MYO1D: variants seen among roughly 807,000 people sequenced by gnomAD.
MYO1D encodes the protein unconventional myosin-Id.
MYO1D carries 83 observed loss-of-function variants against 122.0 expected under a neutral mutation model. The ratio of observed to expected loss-of-function variants is 0.68; its 90% confidence interval spans 0.57 to 0.82. MYO1D has a LOEUF of 0.82. Ranked by LOEUF, MYO1D falls within the 40% of genes least tolerant of loss-of-function variation. The pLI is 0.00. For missense variants in MYO1D, 1,157 were observed against 1,269.5 expected (o/e 0.91, Z 1.35); for synonymous variants, 464 against 446.9 (o/e 1.04, Z -0.48).
At chr17:32,584,576 G>A (rs2106356) in intron 21 of MYO1D, among the ~76,000 whole-genome samples, 42,723 of 151,122 alleles carry the variant, frequency 0.28, 6,322 homozygotes, top group South Asian at 0.38. Context: ...TTGACCTCCT[G>A]GCCTCAAGTG....
At chr17:32,802,902 G>A (rs868460) in intron 1 of MYO1D, among the ~76,000 whole-genome samples, 318 of 152,242 alleles carry the variant, frequency 2.1e-3, no homozygotes, top group African/African-American at 7.4e-3. Context: ...TAAAAAAGCT[G>A]GAGGTTTCAT....
chr17:32,756,495 A>C (rs1249867117), intron 10 of MYO1D, among the ~76,000 whole-genome samples: 1 of 151,964 alleles, frequency 6.6e-6, no homozygotes, highest in African/African-American at 2.4e-5. Flanking sequence ...ATAATGCCTC[A>C]TCCCAATCAG....
chr17:32,875,036 G>T (rs2091216777), intron 1 of MYO1D, among the ~76,000 whole-genome samples: 1 of 152,174 alleles, frequency 6.6e-6, no homozygotes, highest in African/African-American at 2.4e-5. Flanking sequence ...TGAAAATTCT[G>T]CAAAAGCTCT....
At chr17:32,570,728 A>G (rs1011063321) in intron 21 of MYO1D, among the ~76,000 whole-genome samples, 1 of 152,138 alleles carries the variant, frequency 6.6e-6, no homozygotes, top group Non-Finnish European at 1.5e-5. Context: ...GACTCTTGTA[A>G]AGTTCACAAA....
intron 14 of MYO1D, among the ~76,000 whole-genome samples, chr17:32,736,336 C>T (rs1457484440): frequency 2.0e-5 from 3 of 152,196 alleles, no homozygotes; most frequent in Admixed American, 1.3e-4. Context: ...TCCCAGCTTC[C>T]CTGACAACTC....
chr17:32,668,361 G>A (rs1336809134), intron 16 of MYO1D, among the ~76,000 whole-genome samples: 1 of 152,180 alleles, frequency 6.6e-6, no homozygotes, highest in East Asian at 1.9e-4. Flanking sequence ...GTACAGGTCA[G>A]GCTTTGACCT....
intron 1 of MYO1D, among the ~76,000 whole-genome samples, chr17:32,868,555 C>T (rs1325752849): frequency 1.3e-5 from 2 of 152,070 alleles, no homozygotes; most frequent in African/African-American, 2.4e-5. Flanking sequence ...GAAGAAATGA[C>T]AAGGAAGAGA....
At chr17:32,764,406 A>G (rs566127109) in intron 8 of MYO1D, among the ~76,000 whole-genome samples, 1 of 152,318 alleles carries the variant, frequency 6.6e-6, no homozygotes, top group South Asian at 2.1e-4. Context: ...TCAAATTGCT[A>G]AGAGTGGATT....
chr17:32,563,204 C>CTTTTTTTT (rs749819200), intron 21 of MYO1D, among the ~76,000 whole-genome samples: 30 of 105,134 alleles, frequency 2.9e-4, no homozygotes, highest in African/African-American at 4.2e-4. Flanking sequence ...TTTTTCTTCT[C>CTTTTTTTT]TCTTTTTTTT....
intron 21 of MYO1D, among the ~76,000 whole-genome samples, chr17:32,535,037 A>C (rs1910619951): frequency 6.6e-6 from 1 of 152,208 alleles, no homozygotes. Context: ...TCTAGTGGCC[A>C]GTTGTGAGAA....
In MYO1D at chr17:32,817,533, A is replaced by C. The variant is rs369272320; in HGVS notation, c.96-36749T>G. On this transcript the variant is annotated intron_variant, in intron 1 of 21. Transcript: ENST00000318217. ...CTAAACACAGGAGTTACCATTTTCA[A>C]GGAAAGTAATCCTTCCCAGCTATAA... Among the ~76,000 whole-genome samples the C allele has an allele frequency of 1.3e-4, 20 of 152,348 alleles. No individual in the cohort carries two copies. The East Asian group carries it at 2.5e-3, about 19-fold the overall frequency.
At chr17:32,820,594 A>C (rs1267857154) in intron 1 of MYO1D, among the ~76,000 whole-genome samples, 1 of 152,222 alleles carries the variant, frequency 6.6e-6, no homozygotes, top group African/African-American at 2.4e-5. Flanking sequence ...GGAAAAAGAA[A>C]GAATGGTTGT....
intron 16 of MYO1D, among the ~76,000 whole-genome samples, chr17:32,691,640 C>T (rs2089102556): frequency 2.0e-5 from 3 of 152,230 alleles, no homozygotes; most frequent in Non-Finnish European, 2.9e-5. Context: ...CTCCTGACCT[C>T]AGGTGATCCG....
At chr17:32,731,871 C>G (rs892901559) in intron 14 of MYO1D, among the ~76,000 whole-genome samples, 6 of 152,214 alleles carry the variant, frequency 3.9e-5, no homozygotes, top group African/African-American at 1.4e-4. Context: ...CCAGCCATGG[C>G]TGTAGACCTG....
At chr17:32,584,169 A>G (rs1188056386) in intron 21 of MYO1D, among the ~76,000 whole-genome samples, 3 of 152,114 alleles carry the variant, frequency 2.0e-5, no homozygotes, top group Admixed American at 6.5e-5. Flanking sequence ...ATTTTTTATG[A>G]TATTTTCCCC....
intron 21 of MYO1D, among the ~76,000 whole-genome samples, chr17:32,579,571 T>C (rs1480041351): frequency 1.3e-5 from 2 of 152,188 alleles, no homozygotes; most frequent in Non-Finnish European, 2.9e-5. Flanking sequence ...TTTTGAAATA[T>C]ATATTATACC....
chr17:32,653,480 C>T (rs2088426614), intron 19 of MYO1D, among the ~76,000 whole-genome samples: 1 of 151,798 alleles, frequency 6.6e-6, no homozygotes, highest in South Asian at 2.1e-4. Context: ...GTGGTGCATG[C>T]CTGTAATCCC....
At chr17:32,614,388 C>G (rs1444682840) in intron 20 of MYO1D, among the ~76,000 whole-genome samples, 1 of 152,014 alleles carries the variant, frequency 6.6e-6, no homozygotes, top group African/African-American at 2.4e-5. Context: ...ATGTACTATT[C>G]AACTTCTGTT....
intron 21 of MYO1D, among the ~76,000 whole-genome samples, chr17:32,570,928 G>A (rs1239383891): frequency 2.0e-5 from 3 of 152,076 alleles, no homozygotes; most frequent in South Asian, 2.1e-4. Flanking sequence ...GTCTGTTGTC[G>A]GGAATAGAAG....
Sources: allele counts gnomAD v4.1 joint callset (sites outside exome capture counted in the v4.1 genomes callset), GRCh38; gene constraint gnomAD v4.1.1; transcripts MANE v1.5; gene names NCBI Gene and HGNC (gene_info 2026-07-23, HGNC 2026-07-21).